MARCO: variants seen among roughly 807,000 people sequenced by gnomAD.
The protein encoded by MARCO is macrophage receptor with collagenous structure.
In MARCO, 72 loss-of-function variants were observed where a neutral mutation model predicts 70.0. The observed-to-expected ratio is 1.03, with a 90% confidence interval of 0.85 to 1.25. MARCO has a LOEUF of 1.25. MARCO is among the 50% of genes most tolerant of loss of function. The pLI, the probability that MARCO is intolerant of heterozygous loss-of-function variation, is 0.00. For synonymous variants in MARCO, 273 were observed against 243.1 expected, an observed-to-expected ratio of 1.12 and a Z score of -1.14; for missense variants, 696 against 659.3, an observed-to-expected ratio of 1.06 and a Z score of -0.61.
In MARCO at chr2:118,951,825, C is replaced by T. The variant is rs150447691; in HGVS notation, c.97+9428C>T. ...CTTCCTTGACTCTGTCTCTCTCTCT[C>T]TTTTACTACCTCTTTATCTCTCTGT... On this transcript the variant is annotated intron_variant, in intron 1 of 16. Transcript: ENST00000327097. 4.2e-3 allele frequency among the ~76,000 whole-genome samples: 642 copies of T among 152,212 alleles called. 4 individuals are homozygous for T. The highest frequency in any genetic ancestry group is 0.015 in the African/African-American group (609 of 41,526).
intron 1 of MARCO, among the ~76,000 whole-genome samples, chr2:118,948,409 A>G (rs1813638): frequency 0.13 from 20,125 of 152,218 alleles, 1,468 homozygotes; most frequent in South Asian, 0.28. Context: ...ATTGCTTACA[A>G]AAGGTTTAAG....
chr2:118,964,523 G>C (rs534701025), intron 1 of MARCO, among the ~76,000 whole-genome samples: 1 of 152,074 alleles, frequency 6.6e-6, no homozygotes, highest in African/African-American at 2.4e-5. Context: ...TTCTTTTTCA[G>C]AACACAAAAT....
At chr2:118,961,344 A>T (rs1679942993) in intron 1 of MARCO, among the ~76,000 whole-genome samples, 1 of 152,214 alleles carries the variant, frequency 6.6e-6, no homozygotes, top group Non-Finnish European at 1.5e-5. Context: ...ACAGTGTAAA[A>T]GTGTTCCTAT....
intron 9 of MARCO, 23 bp from the exon 10 acceptor site, chr2:118,981,598 C>T (rs749253473): frequency 1.2e-6 from 2 of 1,608,968 alleles, no homozygotes; most frequent in Non-Finnish European, 1.7e-6. Flanking sequence ...AAAAAAATTC[C>T]TAAAAGTTCT....
At chr2:118,955,571 C>T (rs1468991861) in intron 1 of MARCO, among the ~76,000 whole-genome samples, 1 of 152,146 alleles carries the variant, frequency 6.6e-6, no homozygotes, top group African/African-American at 2.4e-5. Context: ...TTCCCAGAGA[C>T]TTAGACATGG....
intron 12 of MARCO, among the ~76,000 whole-genome samples, chr2:118,988,690 G>T (rs938011200): frequency 6.6e-6 from 1 of 152,114 alleles, no homozygotes; most frequent in Non-Finnish European, 1.5e-5. Flanking sequence ...CTTGGCGTAT[G>T]CTGTTCAGAT....
intron 1 of MARCO, among the ~76,000 whole-genome samples, chr2:118,955,242 T>C (rs775341143): frequency 1.3e-5 from 2 of 151,064 alleles, no homozygotes; most frequent in East Asian, 1.9e-4. Flanking sequence ...AGAAAATAGA[T>C]AGTTTAAATA....
At chr2:118,979,533 G>A (rs1465208935) in intron 8 of MARCO, among the ~76,000 whole-genome samples, 1 of 152,132 alleles carries the variant, frequency 6.6e-6, no homozygotes, top group Non-Finnish European at 1.5e-5. Flanking sequence ...TCTCAAGGTG[G>A]TCCTGCCAGC....
chr2:118,977,803 A>G (rs1172032281), intron 7 of MARCO, 25 bp from the exon 8 acceptor site: 3 of 1,576,056 alleles, frequency 1.9e-6, no homozygotes, highest in South Asian at 1.1e-5. Flanking sequence ...GTGGGAGCCC[A>G]TCTCACCAGC....
In MARCO at chr2:118,942,500, T is replaced by C. The variant is rs998587380; in HGVS notation, c.97+103T>C. 18 of 877,528 alleles carry C rather than the reference T, an allele frequency of 2.1e-5. No individual in the cohort carries two copies. In the African/African-American group the frequency reaches 3.0e-4, roughly 15 times the overall value. 54.4% of individuals were successfully genotyped at this position (877,528 alleles called of 1,614,324 possible). On this transcript the variant is annotated intron_variant, in intron 1 of 16. Transcript: ENST00000327097. ...CAATAGAAAGTCTAGGTTTGGCTTA[T>C]TGCTGCATTTTGCACGTAATCATCA...
chr2:118,943,920 G>A (rs1048773258), intron 1 of MARCO, among the ~76,000 whole-genome samples: 2 of 152,150 alleles, frequency 1.3e-5, no homozygotes, highest in Non-Finnish European at 2.9e-5. Flanking sequence ...GTCCTACATA[G>A]GGATGGCTGG....
rs1250650047 is a variant in MARCO at position 118,961,646 on chromosome 2, A to C, written c.98-7514A>C. ...TTTGTCAGATGGATAGATCGCAAAA[A>C]ATTTTCTCTCACTCTGTAGGTTGCC... On this transcript the variant is annotated intron_variant, in intron 1 of 16. Transcript: ENST00000327097. 2.0e-5 allele frequency among the ~76,000 whole-genome samples: 3 copies of C among 151,966 alleles called. No homozygotes were observed. In the East Asian group the frequency reaches 5.8e-4, roughly 29 times the overall value.
intron 1 of MARCO, among the ~76,000 whole-genome samples, chr2:118,955,870 G>A (rs1470885071): frequency 6.6e-6 from 1 of 152,116 alleles, no homozygotes; most frequent in African/African-American, 2.4e-5. Context: ...ATATATGAAG[G>A]AAAGACACAG....
intron 1 of MARCO, among the ~76,000 whole-genome samples, chr2:118,964,509 ATTC>A (rs1445459069): frequency 1.3e-5 from 2 of 152,184 alleles, no homozygotes; most frequent in East Asian, 1.9e-4. Flanking sequence ...CTGGTTGACA[ATTC>A]TTCTTTTTCA....
intron 11 of MARCO, 30 bp from the exon 12 acceptor site, chr2:118,982,318 C>T: frequency 1.9e-6 from 3 of 1,613,472 alleles, no homozygotes; most frequent in Non-Finnish European, 2.5e-6. Context: ...TAGTCCAGCC[C>T]TTATGCTCTC....
chr2:118,969,439 G>A (rs1680119271), intron 2 of MARCO, among the ~76,000 whole-genome samples, 178 bp downstream of exon 2: 1 of 152,216 alleles, frequency 6.6e-6, no homozygotes, highest in Admixed American at 6.5e-5. Flanking sequence ...AGGAGTGTAT[G>A]TTGTGTGTAT....
chr2:118,990,206 C>T (rs1342844450), intron 12 of MARCO, among the ~76,000 whole-genome samples: 1 of 152,206 alleles, frequency 6.6e-6, no homozygotes. Context: ...CCTCCACAGT[C>T]TTTTAGCAAT....
chr2:118,986,327 A>G (rs1680481923), intron 12 of MARCO, among the ~76,000 whole-genome samples: 1 of 150,130 alleles, frequency 6.7e-6, no homozygotes, highest in Non-Finnish European at 1.5e-5. Context: ...AGACGGGGCA[A>G]GACAGCAATG....
At chr2:118,964,714 C>T (rs557639263) in intron 1 of MARCO, among the ~76,000 whole-genome samples, 1 of 151,942 alleles carries the variant, frequency 6.6e-6, no homozygotes, top group African/African-American at 2.4e-5. Context: ...ATAGTGAAAC[C>T]CTGTCTCTAC....
Sources: allele counts gnomAD v4.1 joint callset (sites outside exome capture counted in the v4.1 genomes callset), GRCh38; gene constraint gnomAD v4.1.1; transcripts MANE v1.5; gene names NCBI Gene and HGNC (gene_info 2026-07-23, HGNC 2026-07-21).